The following ZBTB7C variants were observed in gnomAD, a reference collection of about 807,000 sequenced individuals.
ZBTB7C encodes zinc finger and BTB domain-containing protein 7C.
Under a neutral mutation model 25.7 loss-of-function variants are expected in ZBTB7C, and 8 were observed. The observed-to-expected ratio is 0.31, with a 90% CI of 0.18 to 0.56. ZBTB7C has a LOEUF of 0.56. Ranked by LOEUF, ZBTB7C falls within the 20% of genes least tolerant of loss-of-function variation. The probability of loss-of-function intolerance (pLI) is 0.91; values close to 1 mark genes in which losing one functional copy is unlikely to be tolerated. For synonymous variants in ZBTB7C, 394 were observed against 369.0 expected, an observed-to-expected ratio of 1.07 and a Z score of -0.78; for missense variants, 824 against 855.2, an observed-to-expected ratio of 0.96 and a Z score of 0.46.
intron 3 of ZBTB7C, among the ~76,000 whole-genome samples, chr18:48,179,912 CCCTTCCTTCCTTCCTTCCCTGCTT>C (rs2041849682): frequency 1.0e-4 from 2 of 19,174 alleles, no homozygotes; most frequent in African/African-American, 4.3e-4. Flanking sequence ...CTTCCTTCCT[CCCTTCCTTCCTTCCTTCCCTGCTT>C]CCTTCCTTCC....
In ZBTB7C at chr18:48,129,263, G is replaced by A. The variant is rs370038098; in HGVS notation, c.-17+56671C>T. Among the ~76,000 whole-genome samples the A allele has an allele frequency of 4.6e-5, 7 of 151,774 alleles. No homozygotes were observed. The East Asian group carries it at 1.4e-3, about 30-fold the overall frequency. ...CAAAGGTCAAAGACACACTCAGGGT[G>A]GCTTCATAACTTCCCAATGTCCCCA... On this transcript the variant is annotated intron_variant, in intron 3 of 4. Coordinates refer to ENST00000590800, the MANE Select transcript of ZBTB7C (RefSeq NM_001318841.2).
intron 2 of ZBTB7C, among the ~76,000 whole-genome samples, chr18:48,265,346 T>A (rs1438645997): frequency 6.6e-6 from 1 of 152,234 alleles, no homozygotes; most frequent in African/African-American, 2.4e-5. Context: ...TTTATCTCTT[T>A]AGTGCCTGGC....
At chr18:48,140,748 C>G (rs79429603) in intron 3 of ZBTB7C, among the ~76,000 whole-genome samples, 2,633 of 152,228 alleles carry the variant, frequency 0.017, 27 homozygotes, top group Middle Eastern at 0.041. Context: ...GATACTCAAG[C>G]CAGAAACTCA....
Position 48,156,345 on chromosome 18 carries a change from T to C in ZBTB7C, c.-17+29589A>G, listed in dbSNP as rs148929165. Among the ~76,000 whole-genome samples the C allele has an allele frequency of 2.3e-3, 357 of 152,092 alleles. 1 individual carries two copies. Among genetic ancestry groups the C allele is most frequent in the African/African-American group, 7.7e-3 (319 of 41,354 alleles). On this transcript the variant is annotated intron_variant, in intron 3 of 4. Coordinates refer to ENST00000590800, the MANE Select transcript of ZBTB7C (RefSeq NM_001318841.2). ...AGTCCCATGGAGCTCCGCTTTTTTG[T>C]TCTTTAGGTGTCTTCACTAACCCAC...
intron 3 of ZBTB7C, among the ~76,000 whole-genome samples, chr18:48,107,328 G>A (rs1262811917): frequency 6.6e-6 from 1 of 151,232 alleles, no homozygotes; most frequent in Admixed American, 6.6e-5. Flanking sequence ...AGGGTGAAAG[G>A]CAATGGGAAA....
At chr18:48,195,630 C>A (rs1468743378) in intron 2 of ZBTB7C, among the ~76,000 whole-genome samples, 2 of 152,142 alleles carry the variant, frequency 1.3e-5, no homozygotes, top group South Asian at 4.1e-4. Flanking sequence ...TATGGCACTG[C>A]CTACAATTTC....
intron 3 of ZBTB7C, among the ~76,000 whole-genome samples, chr18:48,086,914 T>C (rs139264658): frequency 7.8e-4 from 119 of 152,350 alleles, no homozygotes; most frequent in African/African-American, 2.7e-3. Flanking sequence ...TTAATAATAA[T>C]AGCTACCGTT....
At chr18:48,276,698 C>T (rs1427633094) in intron 2 of ZBTB7C, among the ~76,000 whole-genome samples, 2 of 73,836 alleles carry the variant, frequency 2.7e-5, no homozygotes, top group African/African-American at 1.1e-4. Flanking sequence ...TCCAGTCTAT[C>T]ATTGTTGGAC....
intron 2 of ZBTB7C, among the ~76,000 whole-genome samples, chr18:48,312,697 G>C (rs1207170241): frequency 6.6e-6 from 1 of 152,210 alleles, no homozygotes; most frequent in East Asian, 1.9e-4. Context: ...GCACACAGTA[G>C]GTACTCCATA....
chr18:48,121,389 G>A (rs935035582), intron 3 of ZBTB7C, among the ~76,000 whole-genome samples: 1 of 135,914 alleles, frequency 7.4e-6, no homozygotes, highest in African/African-American at 2.9e-5. Context: ...TTTCAAGTTG[G>A]CTTAATACTC....
chr18:48,120,684 G>A (rs189263225), intron 3 of ZBTB7C, among the ~76,000 whole-genome samples: 3 of 152,318 alleles, frequency 2.0e-5, no homozygotes, highest in African/African-American at 7.2e-5. Context: ...GGACAGGGAT[G>A]TGTCTAGGAA....
chr18:48,081,889 T>C (rs1467096225), intron 3 of ZBTB7C, among the ~76,000 whole-genome samples: 1 of 152,182 alleles, frequency 6.6e-6, no homozygotes, highest in Admixed American at 6.5e-5. Flanking sequence ...AAGATAGATA[T>C]AGCATTAATA....
intron 3 of ZBTB7C, among the ~76,000 whole-genome samples, chr18:48,084,916 T>A (rs2038137824): frequency 6.6e-6 from 1 of 152,206 alleles, no homozygotes; most frequent in Admixed American, 6.5e-5. Context: ...TCACTCCTAC[T>A]GACCCCTGAA....
chr18:48,198,510 A>C (rs575276269), intron 2 of ZBTB7C, among the ~76,000 whole-genome samples: 23 of 152,294 alleles, frequency 1.5e-4, no homozygotes, highest in African/African-American at 5.3e-4. Context: ...GACTCTCAGG[A>C]AGAATTGTTT....
chr18:48,172,047 C>T (rs1360101397), intron 3 of ZBTB7C, among the ~76,000 whole-genome samples: 1 of 152,216 alleles, frequency 6.6e-6, no homozygotes. Flanking sequence ...CAGTTTTGTT[C>T]ACAGCTACCT....
intron 1 of ZBTB7C, among the ~76,000 whole-genome samples, chr18:48,369,661 T>G (rs1337330135): frequency 2.0e-5 from 3 of 152,172 alleles, no homozygotes; most frequent in African/African-American, 7.2e-5. Context: ...AGAGGGATAT[T>G]GTATAATGAT....
chr18:48,061,757 A>C (rs2037135119), intron 3 of ZBTB7C, among the ~76,000 whole-genome samples: 1 of 152,206 alleles, frequency 6.6e-6, no homozygotes, highest in African/African-American at 2.4e-5. Context: ...GTTCCTTGAG[A>C]ATGAGAATGA....
intron 2 of ZBTB7C, among the ~76,000 whole-genome samples, chr18:48,201,579 C>T (rs1430300028): frequency 6.6e-6 from 1 of 151,666 alleles, no homozygotes; most frequent in Non-Finnish European, 1.5e-5. Context: ...CCTCCCTCCA[C>T]CTACACTCCA....
intron 2 of ZBTB7C, among the ~76,000 whole-genome samples, chr18:48,227,839 C>G (rs2043144261): frequency 6.6e-6 from 1 of 152,080 alleles, no homozygotes; most frequent in South Asian, 2.1e-4. Context: ...ATGGAGGGTC[C>G]CCTTGTCCTC....
Sources: gnomAD v4.1 joint callset for allele counts (sites outside exome capture counted in the v4.1 genomes callset) on GRCh38, gnomAD v4.1.1 for gene constraint, MANE v1.5 for transcripts, NCBI Gene and HGNC (gene_info 2026-07-23, HGNC 2026-07-21) for gene names.